The following CACHD1 variants were observed in gnomAD, a reference collection of about 807,000 sequenced individuals.
The protein encoded by CACHD1 is VWFA and cache domain-containing protein 1.
A neutral mutation model predicts 138.7 loss-of-function variants in CACHD1; 71 were observed. The ratio of observed to expected loss-of-function variants is 0.51; its 90% CI spans 0.42 to 0.62. The LOEUF (loss-of-function observed/expected upper bound fraction) is 0.62, where lower values mean the gene tolerates loss of function less well. CACHD1 is among the 20% of genes least tolerant of loss of function. The pLI is 0.00. For missense variants in CACHD1, 1,389 were observed against 1,625.3 expected (o/e 0.85, Z 2.50); for synonymous variants, 578 against 591.5 (o/e 0.98, Z 0.33).
At chr1:64,653,583 A>G (rs1018841908) in intron 10 of CACHD1, among the ~76,000 whole-genome samples, 175 bp from the exon 11 acceptor site, 6 of 152,172 alleles carry the variant, frequency 3.9e-5, no homozygotes, top group Admixed American at 3.3e-4. Context: ...CTACGCCTCA[A>G]GAGTTTTATG....
Position 64,641,968 on chromosome 1 carries a change from C to T in CACHD1, c.1155C>T (p.Asn385=), listed in dbSNP as rs1338786880. 4.5e-6 allele frequency: 7 copies of T among 1,558,480 alleles called. No homozygotes were observed. The highest frequency in any genetic ancestry group is 2.5e-5 in the South Asian group (2 of 81,022). The part of the protein sequence containing the change: ...SVMILTYALM[N]DGVTGLKELA... The stretch of plus-strand genomic sequence containing the variant: ...TGATTCTCACCTATGCCCTCATGAA[C>T]GGTAGGTAGAGTTTCAAGATATTCC... The change falls in exon 8 of 27, where the codon AAC becomes AAT. Residue 385 remains asparagine, a splice_region_variant and synonymous_variant. Transcript: ENST00000651257.
At chr1:64,542,980 C>T (rs1646688713) in intron 1 of CACHD1, among the ~76,000 whole-genome samples, 1 of 146,470 alleles carries the variant, frequency 6.8e-6, no homozygotes, top group South Asian at 2.1e-4. Flanking sequence ...TACATCCACA[C>T]ACACATCAAC....
chr1:64,495,503 T>C (rs1646300765), intron 1 of CACHD1, among the ~76,000 whole-genome samples: 1 of 152,182 alleles, frequency 6.6e-6, no homozygotes, highest in Non-Finnish European at 1.5e-5. Flanking sequence ...TTCTCCCTTA[T>C]CTTCCAAGTG....
In CACHD1 at chr1:64,634,017, G is replaced by GA. The variant is rs777372471; in HGVS notation, c.790-27_790-26insA. The GA allele has an allele frequency of 3.3e-6, 4 of 1,214,832 alleles. No individual in the cohort carries two copies. The East Asian group carries it at 1.0e-4, about 31-fold the overall frequency. The allele number at this position is 1,214,832 out of a possible 1,614,324, so 75.3% of individuals were successfully genotyped here. Reference sequence around the variant, plus strand: ...TAGACGGTAGGATAACAAGTTTGGTGGTTTTTTTTTTTTTTCTTTCCTGCA... The same window carrying GA: ...TAGACGGTAGGATAACAAGTTTGGTGAGTTTTTTTTTTTTTTCTTTCCTGCA... On this transcript the variant is annotated intron_variant, in intron 6 of 26. Transcript: ENST00000651257.
intron 13 of CACHD1, among the ~76,000 whole-genome samples, chr1:64,660,148 T>G (rs1257384084): frequency 6.6e-6 from 1 of 152,240 alleles, no homozygotes; most frequent in Non-Finnish European, 1.5e-5. Flanking sequence ...AATGCTTTAC[T>G]GAAACACTGA....
In CACHD1 at chr1:64,470,517, C is replaced by A. The variant is rs1408423875; in HGVS notation, c.-228C>A. Among the ~76,000 whole-genome samples the A allele has an allele frequency of 1.3e-5, 2 of 151,528 alleles. No individual in the cohort carries two copies. Among genetic ancestry groups the A allele is most frequent in the African/African-American group, 4.8e-5 (2 of 41,344 alleles). ...GGGCTCCGGGGACCGCTCGGGCGGC[C>A]GCCTCCTACCCCCACCGCCGCGGAG... On this transcript the variant is annotated 5_prime_UTR_variant, in exon 1 of 27. Coordinates refer to ENST00000651257, the MANE Select transcript of CACHD1 (RefSeq NM_020925.4). This position sits in a 1 kb window ranked among gnomAD's most constrained non-coding sequence, Gnocchi z 5.2.
At chr1:64,582,114 G>A (rs1570388848) in intron 2 of CACHD1, 42 bp from the exon 3 acceptor site, 3 of 1,607,422 alleles carry the variant, frequency 1.9e-6, no homozygotes, top group South Asian at 1.1e-5. Context: ...ATGAGTTATT[G>A]TCTTGGACTT....
chr1:64,544,111 C>T (rs1456814784), intron 1 of CACHD1, among the ~76,000 whole-genome samples: 5 of 152,112 alleles, frequency 3.3e-5, no homozygotes, highest in African/African-American at 1.2e-4. Flanking sequence ...TGCCTGGAAT[C>T]ATAGGAACAG....
At chr1:64,510,735 CAG>C (rs898876067) in intron 1 of CACHD1, among the ~76,000 whole-genome samples, 4 of 152,110 alleles carry the variant, frequency 2.6e-5, no homozygotes, top group Non-Finnish European at 5.9e-5. Context: ...CAGAAATTGC[CAG>C]AGAGATTGGG....
chr1:64,479,234 G>A (rs903195960), intron 1 of CACHD1, among the ~76,000 whole-genome samples: 1 of 152,196 alleles, frequency 6.6e-6, no homozygotes, highest in African/African-American at 2.4e-5. Flanking sequence ...CAACACAGAT[G>A]AATGTTTACT....
At chr1:64,586,646 GA>G (rs772946975) in intron 3 of CACHD1, among the ~76,000 whole-genome samples, 26 of 152,244 alleles carry the variant, frequency 1.7e-4, no homozygotes, top group Admixed American at 6.5e-4. Context: ...GGTTGTTATA[GA>G]GGAGATGTTT....
At chr1:64,608,370 ATGTACT>A (rs1318551590) in intron 4 of CACHD1, among the ~76,000 whole-genome samples, 1 of 152,112 alleles carries the variant, frequency 6.6e-6, no homozygotes, top group Non-Finnish European at 1.5e-5. Flanking sequence ...AGCAGAATTA[ATGTACT>A]TTGTAGGTTA....
At chr1:64,574,902 T>G (rs557345579) in intron 2 of CACHD1, among the ~76,000 whole-genome samples, 1 of 152,270 alleles carries the variant, frequency 6.6e-6, no homozygotes, top group South Asian at 2.1e-4. Flanking sequence ...TAAGAAAAAA[T>G]GCTTTCCCCC....
At chr1:64,604,971 G>GTTT (rs528557112) in intron 4 of CACHD1, among the ~76,000 whole-genome samples, 1 of 122,976 alleles carries the variant, frequency 8.1e-6, no homozygotes. Context: ...TTTTTTCTTT[G>GTTT]TTTTTTTTTT....
chr1:64,671,767 G>T (rs986227505), intron 17 of CACHD1, 81 bp downstream of exon 17: 4 of 1,524,266 alleles, frequency 2.6e-6, no homozygotes, highest in Admixed American at 1.7e-5. Context: ...AATGGGAACC[G>T]CATAGTTATG....
At position 64,691,438 on chromosome 1, in the gene CACHD1, C is replaced by T. The variant is rs777126119; in HGVS notation, c.3702C>T (p.Pro1234=). 11 of 1,614,132 alleles carry T rather than the reference C, an allele frequency of 6.8e-6. No individual in the cohort carries two copies. The highest frequency in any genetic ancestry group is 9.3e-6 in the Non-Finnish European group (11 of 1,180,024). Residue 1234 remains proline, a synonymous_variant, in exon 27 of 27, where the codon CCC becomes CCT. Coordinates refer to ENST00000651257, the MANE Select transcript of CACHD1 (RefSeq NM_020925.4). ...ATGAGGACTTAGACCTGGATACCCCCCCTCAGACTGCTGCCCTACTAAGTC... is the reference window on the plus strand; with the variant it reads ...ATGAGGACTTAGACCTGGATACCCCTCCTCAGACTGCTGCCCTACTAAGTC... ...NHDEDLDLDT[P]PQTAALLSHK...
intron 1 of CACHD1, among the ~76,000 whole-genome samples, chr1:64,478,847 C>G (rs937485071): frequency 2.0e-5 from 3 of 152,074 alleles, no homozygotes; most frequent in Admixed American, 6.5e-5. Flanking sequence ...GGGGCAGGAC[C>G]ACTCAGTTAC....
intron 2 of CACHD1, among the ~76,000 whole-genome samples, chr1:64,557,788 A>AATTATT (rs139615946): frequency 1.8e-4 from 27 of 150,320 alleles, no homozygotes; most frequent in East Asian, 5.9e-4. Flanking sequence ...CTTTTTAAAA[A>AATTATT]ATTATTATTA....
intron 1 of CACHD1, among the ~76,000 whole-genome samples, chr1:64,496,069 A>G (rs778861311): frequency 5.3e-5 from 8 of 152,212 alleles, no homozygotes. Context: ...AACCTGGCCC[A>G]TGTCCCAGAC....
Sources: allele counts gnomAD v4.1 joint callset (sites outside exome capture counted in the v4.1 genomes callset), GRCh38; gene constraint gnomAD v4.1.1; non-coding constraint Gnocchi (gnomAD v3.1); transcripts MANE v1.5; gene names NCBI Gene and HGNC (gene_info 2026-07-23, HGNC 2026-07-21).